XIRP2: variants seen among roughly 807,000 people sequenced by gnomAD.
The protein encoded by XIRP2 is xin actin binding repeat containing 2.
In XIRP2, 236 loss-of-function variants were observed where a neutral mutation model predicts 277.0. The ratio of observed to expected loss-of-function variants is 0.85; its 90% CI spans 0.77 to 0.95. The LOEUF (loss-of-function observed/expected upper bound fraction) is 0.95. XIRP2 is among the 40% of genes least tolerant of loss of function. The pLI is 0.00. For synonymous variants in XIRP2, 1,490 were observed against 1,416.5 expected (o/e 1.05, Z -1.17); for missense variants, 4,640 against 4,157.5 (o/e 1.12, Z -3.19).
At chr2:167,214,544 G>T (rs956780140) in intron 4 of XIRP2, among the ~76,000 whole-genome samples, 3 of 151,244 alleles carry the variant, frequency 2.0e-5, no homozygotes, top group Non-Finnish European at 4.4e-5. Flanking sequence ...TTTCTAAAGC[G>T]CAGGAAAGTA....
At chr2:167,195,728 A>G (rs1473023655) in intron 3 of XIRP2, among the ~76,000 whole-genome samples, 1 of 152,208 alleles carries the variant, frequency 6.6e-6, no homozygotes, top group Non-Finnish European at 1.5e-5. Context: ...GCACCAGGAA[A>G]ATCACAAGAT....
At position 167,181,175 on chromosome 2, in the gene XIRP2, G is replaced by A. The variant is rs1372556881; in HGVS notation, c.563-29560G>A. On this transcript the variant is annotated intron_variant, in intron 3 of 10. Coordinates refer to ENST00000409195, the MANE Select transcript of XIRP2 (RefSeq NM_152381.6). ...AGGTATATAATGATGGGGTAGGGGT[G>A]TAGCAGAGGCAGGGCTGTGGCTTGG... 1.3e-5 allele frequency among the ~76,000 whole-genome samples: 2 copies of A among 152,210 alleles called. 1 individual carries two copies. Among genetic ancestry groups the A allele is most frequent in the East Asian group, 3.8e-4 (2 of 5,200 alleles).
intron 2 of XIRP2, among the ~76,000 whole-genome samples, chr2:167,037,520 T>G (rs6729854): frequency 9.6e-4 from 101 of 105,572 alleles, no homozygotes; most frequent in Admixed American, 4.4e-3. Context: ...ATGTGGGGGG[T>G]GTGTGTGTGT....
At chr2:166,999,156 G>A (rs1385976301) in intron 2 of XIRP2, among the ~76,000 whole-genome samples, 1 of 152,044 alleles carries the variant, frequency 6.6e-6, no homozygotes, top group Non-Finnish European at 1.5e-5. Context: ...AGGGATTGAA[G>A]GTTGAAGGAT....
rs183893831 is a variant in XIRP2 at position 166,942,459 on chromosome 2, G to T, written c.408+38569G>T. Reference sequence around the variant, plus strand: ...GTTCCATGTCATATATAGGCAAAATGAGGTCATTTGCAACTGCGGGCAGTC... The same window carrying T: ...GTTCCATGTCATATATAGGCAAAATTAGGTCATTTGCAACTGCGGGCAGTC... On this transcript the variant is annotated intron_variant, in intron 2 of 10. Coordinates refer to ENST00000409195, the MANE Select transcript of XIRP2 (RefSeq NM_152381.6). Among the ~76,000 whole-genome samples the T allele has an allele frequency of 2.3e-3, 348 of 152,266 alleles. 3 individuals carry two copies. The highest frequency in any genetic ancestry group is 8.1e-3 in the African/African-American group (336 of 41,542).
chr2:167,250,608 T>C lies in XIRP2; in HGVS notation c.9216T>C (p.Asn3072=), dbSNP rs1559044946. ...ATAAAAATAGTGAACAGAAAGAAAA[T>C]AAAATTGCCAAAGAGAAAACAGTAC... is the stretch of plus-strand genomic sequence containing the variant. ...SNNKNSEQKE[N]KIAKEKTVQH... Residue 3072 remains asparagine, a synonymous_variant, in exon 9 of 11, where the codon AAT becomes AAC. Coordinates refer to ENST00000409195, the MANE Select transcript of XIRP2 (RefSeq NM_152381.6). The C allele has an allele frequency of 1.2e-6, 2 of 1,612,822 alleles. No individual in the cohort carries two copies. The highest frequency in any genetic ancestry group is 1.1e-5 in the South Asian group (1 of 90,996).
chr2:167,017,588 G>A (rs1443224271), intron 2 of XIRP2, among the ~76,000 whole-genome samples: 2 of 151,974 alleles, frequency 1.3e-5, no homozygotes, highest in South Asian at 2.1e-4. Context: ...AAAGAGCTAG[G>A]AGTTATGAGT....
intron 5 of XIRP2, among the ~76,000 whole-genome samples, chr2:167,236,617 A>G (rs1227682276): frequency 6.6e-6 from 1 of 151,982 alleles, no homozygotes; most frequent in East Asian, 1.9e-4. Flanking sequence ...TTTAAGTGTG[A>G]CTTCATGATT....
intron 3 of XIRP2, among the ~76,000 whole-genome samples, chr2:167,200,884 G>A (rs890085368): frequency 2.0e-5 from 3 of 152,166 alleles, no homozygotes; most frequent in Middle Eastern, 3.4e-3. Context: ...CCAGCACATG[G>A]GGAGGCCAAG....
intron 2 of XIRP2, among the ~76,000 whole-genome samples, chr2:167,018,273 C>T (rs1018928478): frequency 2.0e-5 from 3 of 152,020 alleles, no homozygotes; most frequent in African/African-American, 7.2e-5. Context: ...GGCACTGGTC[C>T]TCTACCTTTG....
intron 2 of XIRP2, among the ~76,000 whole-genome samples, chr2:167,051,772 G>C (rs1688920534): frequency 6.6e-6 from 1 of 151,978 alleles, no homozygotes; most frequent in Non-Finnish European, 1.5e-5. Context: ...GGGAAATTTT[G>C]TCAAGCACAT....
rs1173254376 is a variant in XIRP2, at chr2:167,244,732, A to T, written c.3340A>T (p.Thr1114Ser). The change falls in exon 9 of 11, where the codon ACC (threonine) becomes TCC (serine). Residue 1114 changes from threonine to serine, a missense_variant. By Grantham distance (58) the Thr-to-Ser change is moderately conservative (BLOSUM62 1). Coordinates refer to ENST00000409195, the MANE Select transcript of XIRP2 (RefSeq NM_152381.6). ...TCTTTATGAAAAAGTTTCGTTAATG[A>T]CCAGCAGTGAAGAAATTCATAAGGG... ...ESLYEKVSLM[T>S]SSEEIHKGDV... is the part of the protein sequence containing the mutation. 13 of 1,613,208 alleles carry T rather than the reference A, an allele frequency of 8.1e-6. No homozygotes were observed. Among genetic ancestry groups the T allele is most frequent in the Non-Finnish European group, 1.1e-5 (13 of 1,179,664 alleles).
chr2:167,109,972 C>CT (rs1690710776), intron 2 of XIRP2, among the ~76,000 whole-genome samples: 1 of 152,054 alleles, frequency 6.6e-6, no homozygotes, highest in African/African-American at 2.4e-5. Context: ...TGTATGTCTT[C>CT]TTTTGAGACA....
At chr2:167,100,698 C>G (rs781478847) in intron 2 of XIRP2, among the ~76,000 whole-genome samples, 1 of 152,168 alleles carries the variant, frequency 6.6e-6, no homozygotes, top group Non-Finnish European at 1.5e-5. Context: ...AGTAATTGCT[C>G]GTGAAATGCT....
At chr2:167,092,366 A>T (rs1287886924) in intron 2 of XIRP2, among the ~76,000 whole-genome samples, 3 of 152,144 alleles carry the variant, frequency 2.0e-5, no homozygotes, top group African/African-American at 7.2e-5. Context: ...CTTGAGGAAG[A>T]AAGTCTTTAC....
chr2:167,022,862 C>A (rs1238353573), intron 2 of XIRP2, among the ~76,000 whole-genome samples: 1 of 152,098 alleles, frequency 6.6e-6, no homozygotes. Context: ...CATTGTTGGA[C>A]ATTTGGGTTG....
At position 167,007,701 on chromosome 2, in the gene XIRP2, TCTCACA is replaced by T. The variant is rs1405643574; in HGVS notation, c.408+103813_408+103818del. Among the ~76,000 whole-genome samples the T allele has an allele frequency of 2.4e-3, 280 of 115,258 alleles. 8 individuals carry two copies. In the East Asian group the frequency reaches 0.044, roughly 18 times the overall value. The allele number at this position is 115,258 out of a possible 152,430, so 75.6% of individuals were successfully genotyped here. A position where few individuals can be genotyped will look rare whatever the true frequency, so the allele number is the denominator to read the frequency against. On this transcript the variant is annotated intron_variant, in intron 2 of 10. Coordinates refer to ENST00000409195, the MANE Select transcript of XIRP2 (RefSeq NM_152381.6). ...TACACTCTCTCTCTCTCTCTCTCTCTCTCACACACACACACACACACACACACACAC... is the reference window on the plus strand; with the variant it reads ...TACACTCTCTCTCTCTCTCTCTCTCTCACACACACACACACACACACACAC...
Position 167,245,452 on chromosome 2 carries a change from T to C in XIRP2, c.4060T>C (p.Phe1354Leu), listed in dbSNP as rs1255168543. 6.2e-7 allele frequency: 1 copy of C among 1,613,622 alleles called. No homozygotes were observed. The highest frequency in any genetic ancestry group is 1.1e-5 in the South Asian group (1 of 91,068). Reference protein sequence around the residue: ...HGDVRGTRWLFETKPLDSINK... With the variant: ...HGDVRGTRWLLETKPLDSINK... ...AGATGTGCGAGGAACAAGGTGGCTT[T>C]TTGAAACAAAGCCATTAGACTCTAT... The change falls in exon 9 of 11, where the codon TTT becomes CTT. Residue 1354 changes from phenylalanine to leucine, a missense_variant. By Grantham distance (22) the Phe-to-Leu change is conservative. Coordinates refer to ENST00000409195, the MANE Select transcript of XIRP2 (RefSeq NM_152381.6).
At chr2:167,009,882 C>A (rs1048805836) in intron 2 of XIRP2, among the ~76,000 whole-genome samples, 1 of 152,118 alleles carries the variant, frequency 6.6e-6, no homozygotes, top group Admixed American at 6.6e-5. Flanking sequence ...AGTGTCTGTT[C>A]ATTTCCTTCA....
Sources: gnomAD v4.1 joint callset for allele counts (sites outside exome capture counted in the v4.1 genomes callset) on GRCh38, gnomAD v4.1.1 for gene constraint, MANE v1.5 for transcripts, NCBI Gene and HGNC (gene_info 2026-07-23, HGNC 2026-07-21) for gene names.